Variants in BACH2 observed in about 807,000 individuals in gnomAD.
BACH2 encodes BACH transcriptional regulator 2, also known as transcription regulator protein BACH2.
Under a neutral mutation model 61.8 loss-of-function variants are expected in BACH2, and 5 were observed. The ratio of observed to expected loss-of-function variants is 0.08; its 90% CI spans 0.04 to 0.17. BACH2 has a LOEUF of 0.17. Among genes scored for constraint, BACH2 ranks in the 10% least tolerant of loss-of-function variants. The pLI is 1.00. For missense variants in BACH2, 824 were observed against 1,091.1 expected, an observed-to-expected ratio of 0.76 and a Z score of 3.45; for synonymous variants, 446 against 440.1, an observed-to-expected ratio of 1.01 and a Z score of -0.17.
chr6:90,221,999 C>T (rs904088244), intron 3 of BACH2, among the ~76,000 whole-genome samples: 1 of 152,094 alleles, frequency 6.6e-6, no homozygotes, highest in African/African-American at 2.4e-5. Flanking sequence ...TTAATAACCA[C>T]ATTAAACAAA....
At chr6:89,983,892 G>T (rs80007590) in intron 6 of BACH2, among the ~76,000 whole-genome samples, 1 of 152,114 alleles carries the variant, frequency 6.6e-6, no homozygotes, top group Admixed American at 6.5e-5. Context: ...ACAGTTATAG[G>T]GGATAACACA....
At chr6:90,179,152 G>A (rs545369468) in intron 4 of BACH2, among the ~76,000 whole-genome samples, 6 of 152,068 alleles carry the variant, frequency 3.9e-5, no homozygotes, top group African/African-American at 1.2e-4. Context: ...GTTCTTTAAG[G>A]GAACCAAGGA....
chr6:90,081,571 C>T (rs915588737), intron 5 of BACH2, among the ~76,000 whole-genome samples: 1 of 152,126 alleles, frequency 6.6e-6, no homozygotes, highest in East Asian at 1.9e-4. Context: ...ACACTGAGTT[C>T]CTATTACATA....
At chr6:90,074,641 T>C (rs1197609643) in intron 5 of BACH2, among the ~76,000 whole-genome samples, 2 of 152,186 alleles carry the variant, frequency 1.3e-5, no homozygotes, top group Non-Finnish European at 2.9e-5. Flanking sequence ...CCTTTCGAGA[T>C]ATGCTTTCCT....
At chr6:90,185,252 G>C (rs749787892) in intron 4 of BACH2, among the ~76,000 whole-genome samples, 5 of 152,142 alleles carry the variant, frequency 3.3e-5, no homozygotes, top group Non-Finnish European at 7.3e-5. Flanking sequence ...TGGATGGGCT[G>C]GTGAACAGTT....
At chr6:89,976,912 C>CAA (rs1775682514) in intron 6 of BACH2, among the ~76,000 whole-genome samples, 1 of 152,222 alleles carries the variant, frequency 6.6e-6, no homozygotes, top group Admixed American at 6.5e-5. Flanking sequence ...CCTCCCTTAT[C>CAA]TACTACTTCA....
intron 3 of BACH2, among the ~76,000 whole-genome samples, chr6:90,229,287 C>T (rs1267572496): frequency 6.6e-6 from 1 of 152,108 alleles, no homozygotes; most frequent in Non-Finnish European, 1.5e-5. Flanking sequence ...GGTGAAACCC[C>T]GTCTATACTA....
chr6:89,965,593 C>T (rs1427472199), intron 6 of BACH2, among the ~76,000 whole-genome samples: 1 of 152,216 alleles, frequency 6.6e-6, no homozygotes, highest in African/African-American at 2.4e-5. Flanking sequence ...TTGAACTAAA[C>T]CGAGCTAGCC....
chr6:90,286,716 A>G (rs1005452455), intron 1 of BACH2, among the ~76,000 whole-genome samples: 3 of 152,194 alleles, frequency 2.0e-5, no homozygotes, highest in African/African-American at 7.2e-5. Context: ...ACATGGTTTC[A>G]ATTGATAGTT....
intron 4 of BACH2, among the ~76,000 whole-genome samples, chr6:90,100,877 A>G (rs1022293264): frequency 6.6e-6 from 1 of 152,152 alleles, no homozygotes; most frequent in African/African-American, 2.4e-5. Context: ...CCAGCAATGT[A>G]TAAGGGTTCC....
chr6:90,258,867 T>C (rs569268199), intron 2 of BACH2, among the ~76,000 whole-genome samples: 32 of 152,224 alleles, frequency 2.1e-4, no homozygotes, highest in Admixed American at 1.8e-3. Context: ...AGACTGTAAT[T>C]GGTATGAAAA....
intron 4 of BACH2, among the ~76,000 whole-genome samples, chr6:90,164,466 C>T (rs1457415031): frequency 1.3e-5 from 2 of 150,720 alleles, no homozygotes; most frequent in African/African-American, 4.9e-5. Context: ...GGATTCACAG[C>T]TGAATTCTAC....
At chr6:90,275,196 G>A (rs1771652075) in intron 1 of BACH2, among the ~76,000 whole-genome samples, 1 of 152,188 alleles carries the variant, frequency 6.6e-6, no homozygotes, top group African/African-American at 2.4e-5. Flanking sequence ...ATTAAGAATG[G>A]CTGTTTACAA....
chr6:90,028,785 C>T (rs1778779892), intron 5 of BACH2, among the ~76,000 whole-genome samples: 1 of 152,202 alleles, frequency 6.6e-6, no homozygotes, highest in South Asian at 2.1e-4. Context: ...GCCAGCCTAC[C>T]TGGCTTTGAA....
chr6:90,113,635 A>G (rs575265166), intron 4 of BACH2, among the ~76,000 whole-genome samples: 12 of 151,998 alleles, frequency 7.9e-5, no homozygotes, highest in Non-Finnish European at 1.6e-4. Context: ...TCAAAAAGTT[A>G]GAAAGAACAA....
intron 4 of BACH2, among the ~76,000 whole-genome samples, chr6:90,199,713 C>T (rs955317491): frequency 3.3e-5 from 5 of 152,268 alleles, no homozygotes; most frequent in African/African-American, 4.8e-5. Flanking sequence ...TCAATGTACA[C>T]GTAACAGAGG....
intron 4 of BACH2, among the ~76,000 whole-genome samples, chr6:90,152,096 T>G: frequency 6.6e-6 from 1 of 152,246 alleles, no homozygotes; most frequent in Non-Finnish European, 1.5e-5. Context: ...TATAAATTGC[T>G]TGGTCAGCTT....
chr6:89,939,675 T>G (rs1773291281), intron 7 of BACH2, among the ~76,000 whole-genome samples: 1 of 141,428 alleles, frequency 7.1e-6, no homozygotes, highest in African/African-American at 2.6e-5. Context: ...TTTTTTTTTT[T>G]TTTTTTTGAG....
chr6:90,292,625 C>G (rs1469295442), intron 1 of BACH2, among the ~76,000 whole-genome samples: 1 of 152,132 alleles, frequency 6.6e-6, no homozygotes, highest in Non-Finnish European at 1.5e-5. Context: ...TTTCTATTTT[C>G]CAGGTAGTTG....
Sources: gnomAD v4.1 joint callset for allele counts (sites outside exome capture counted in the v4.1 genomes callset) on GRCh38, gnomAD v4.1.1 for gene constraint, MANE v1.5 for transcripts, NCBI Gene and HGNC (gene_info 2026-07-23, HGNC 2026-07-21) for gene names.